Variants in ZBTB4 observed in about 807,000 individuals in gnomAD.
The protein encoded by ZBTB4 is zinc finger and BTB domain containing 4.
A neutral mutation model predicts 59.8 loss-of-function variants in ZBTB4; 14 were observed. That is an observed-to-expected ratio of 0.23 (90% confidence interval 0.15 to 0.37). The LOEUF (loss-of-function observed/expected upper bound fraction) is 0.37, where lower values mean the gene tolerates loss of function less well. ZBTB4 is among the 10% of genes least tolerant of loss of function. ZBTB4 has a pLI of 1.00. For synonymous variants in ZBTB4, 587 were observed against 575.2 expected (o/e 1.02, Z -0.29); for missense variants, 1,198 against 1,380.8 (o/e 0.87, Z 2.10).
At chr17:7,480,396 A>G (rs1017286704), upstream of ZBTB4, among the ~76,000 whole-genome samples, 1 of 152,218 alleles carries the variant, frequency 6.6e-6, no homozygotes, top group African/African-American at 2.4e-5. Flanking sequence ...AAGGAGATGG[A>G]GGAGCCAGGG....
chr17:7,481,985 C>T (rs762576433), upstream of ZBTB4: 2 of 1,583,846 alleles, frequency 1.3e-6, no homozygotes, highest in East Asian at 2.2e-5. Context: ...TTCTCCCTAA[C>T]AGGCTGGCAG....
chr17:7,481,435 A>C (rs915070550), upstream of ZBTB4: 2 of 1,384,116 alleles, frequency 1.4e-6, no homozygotes, highest in Admixed American at 3.4e-5. Context: ...CCCCACCCCC[A>C]CTCCAACCAT....
chr17:7,468,442 C>CAGAGAA (rs1462444297), intron 1 of ZBTB4, among the ~76,000 whole-genome samples: 6 of 152,182 alleles, frequency 3.9e-5, no homozygotes, highest in Non-Finnish European at 7.3e-5. Context: ...CAGTCAGCAG[C>CAGAGAA]AGAGAAAGCA....
intron 1 of ZBTB4, among the ~76,000 whole-genome samples, chr17:7,468,979 T>C (rs940338079): frequency 6.6e-6 from 1 of 152,130 alleles, no homozygotes; most frequent in African/African-American, 2.4e-5. Context: ...GAATTTCAGG[T>C]AGGTCGTAGG....
upstream of ZBTB4, chr17:7,482,601 G>A: frequency 6.2e-7 from 1 of 1,612,146 alleles, no homozygotes; most frequent in Non-Finnish European, 8.5e-7. Context: ...CTGTCCCTGG[G>A]GCTTCTGGTC....
At chr17:7,481,621 A>G (rs1450664761), upstream of ZBTB4, 1 of 814,528 alleles carries the variant, frequency 1.2e-6, no homozygotes, top group Non-Finnish European at 1.8e-6. Context: ...GATACCCACA[A>G]ATAGAATTCA....
chr17:7,480,588 C>A (rs916058872), upstream of ZBTB4, among the ~76,000 whole-genome samples: 1 of 152,012 alleles, frequency 6.6e-6, no homozygotes, highest in African/African-American at 2.4e-5. Flanking sequence ...GGCGTGGTGG[C>A]GGGCGCCTGT....
rs1170117192 is a variant in ZBTB4 at position 7,467,302 on chromosome 17, A to C, written c.-55T>G. 1 of 960,040 alleles carries C rather than the reference A, an allele frequency of 1.0e-6. No individual in the cohort carries two copies. The highest frequency in any genetic ancestry group is 1.8e-5 in the African/African-American group (1 of 56,708). 59.5% of individuals were successfully genotyped at this position (960,040 alleles called of 1,614,324 possible). On this transcript the variant is annotated 5_prime_UTR_variant, in exon 2 of 4. Coordinates refer to ENST00000380599, the MANE Select transcript of ZBTB4 (RefSeq NM_001128833.2). ...GAGTGGGGCGGGGGGTGGCTCAGCGAGTCCCTTCTGCTGGGCCTCTTCCTT... is the reference window on the plus strand; with the variant it reads ...GAGTGGGGCGGGGGGTGGCTCAGCGCGTCCCTTCTGCTGGGCCTCTTCCTT...
At chr17:7,467,770 T>C (rs982013964) in intron 1 of ZBTB4, among the ~76,000 whole-genome samples, 1 of 152,178 alleles carries the variant, frequency 6.6e-6, no homozygotes, top group African/African-American at 2.4e-5. Context: ...TCAAAATAAT[T>C]TGTGAGTTTT....
At chr17:7,469,428 A>C (rs1165822308) in intron 1 of ZBTB4, among the ~76,000 whole-genome samples, 2 of 150,864 alleles carry the variant, frequency 1.3e-5, no homozygotes, top group African/African-American at 4.9e-5. Flanking sequence ...GGCCTCCCAA[A>C]GTGCTGGGAT....
intron 1 of ZBTB4, among the ~76,000 whole-genome samples, chr17:7,472,920 A>T (rs895741046): frequency 6.6e-6 from 1 of 150,936 alleles, no homozygotes; most frequent in Non-Finnish European, 1.5e-5. Flanking sequence ...CTGGGATGAC[A>T]TGCATGAGCC....
upstream of ZBTB4, chr17:7,483,136 T>C (rs1343892803): frequency 1.2e-5 from 18 of 1,465,868 alleles, no homozygotes; most frequent in African/African-American, 1.8e-4. Context: ...CAAGGGTGAC[T>C]TGGGGACTTG....
Position 7,463,582 on chromosome 17 carries a change from G to A in ZBTB4, c.1400C>T (p.Pro467Leu). Residue 467 changes from proline to leucine, a missense_variant, in exon 4 of 4, where the codon CCT becomes CTT. Around this residue, in one of 9 missense-constraint regions of ZBTB4, gnomAD observed 550 missense variants for 541.8 expected, o/e 1.02. Transcript: ENST00000380599. ...GGCAAAAGTGATGACAGAGGGTGGA[G>A]GGCCAGGCTCTGGGGCAGGTGGAGG... ...PGPPPAPEPG[P>L]PPSVITFAHP... 6.3e-7 allele frequency: 1 copy of A among 1,596,300 alleles called. No individual in the cohort carries two copies. Among genetic ancestry groups the A allele is most frequent in the East Asian group, 2.2e-5 (1 of 44,774 alleles).
upstream of ZBTB4, chr17:7,482,828 G>A (rs1309605276): frequency 6.2e-7 from 1 of 1,612,060 alleles, no homozygotes; most frequent in Non-Finnish European, 8.5e-7. Context: ...CCCTGCCCTG[G>A]TGTGCGCTGT....
Position 7,466,625 on chromosome 17 carries a change from C to G in ZBTB4, c.177G>C (p.Leu59=). ...GAAGGGGTAGTGGGGCTGAAGTGAG[C>G]AGGGCCTCTCTGAAGAAGGGACTTG... is the stretch of plus-strand genomic sequence containing the variant. ...AASSPFFREA[L]LTSAPLPLPP... is the part of the protein sequence containing the mutation. Residue 59 remains leucine, a synonymous_variant, in exon 3 of 4, where the codon CTG becomes CTC. Coordinates refer to ENST00000380599, the MANE Select transcript of ZBTB4 (RefSeq NM_001128833.2). This position sits in a 1 kb window ranked among gnomAD's most constrained non-coding sequence, Gnocchi z 9.1. 1 of 1,613,852 alleles carries G rather than the reference C, an allele frequency of 6.2e-7. No homozygotes were observed. The highest frequency in any genetic ancestry group is 8.5e-7 in the Non-Finnish European group (1 of 1,179,960).
intron 1 of ZBTB4, among the ~76,000 whole-genome samples, chr17:7,467,694 C>T (rs1597772053): frequency 1.3e-5 from 2 of 152,238 alleles, no homozygotes; most frequent in Non-Finnish European, 2.9e-5. Context: ...TTGGCCCAAT[C>T]TCCAGGGCTC....
chr17:7,478,247 C>A (rs1567692171), intron 1 of ZBTB4, among the ~76,000 whole-genome samples: 1 of 152,136 alleles, frequency 6.6e-6, no homozygotes, highest in Non-Finnish European at 1.5e-5. Context: ...AAACACACAA[C>A]CTTCCCCTCG....
chr17:7,483,004 T>C (rs367984355), upstream of ZBTB4: 3 of 1,611,552 alleles, frequency 1.9e-6, no homozygotes, highest in Middle Eastern at 2.3e-4. Context: ...AGGAGTGAGA[T>C]AGAACTTGGG....
chr17:7,479,186 C>T (rs2070310357), intron 1 of ZBTB4, among the ~76,000 whole-genome samples: 1 of 152,230 alleles, frequency 6.6e-6, no homozygotes, highest in Admixed American at 6.5e-5. Flanking sequence ...GTGAGCACCT[C>T]CCCTTCCACG....
Sources: gnomAD v4.1 joint callset for allele counts (sites outside exome capture counted in the v4.1 genomes callset) on GRCh38, gnomAD v4.1.1 for gene constraint, gnomAD v4.1.1 regional missense constraint, Gnocchi (gnomAD v3.1) non-coding constraint, MANE v1.5 for transcripts, NCBI Gene and HGNC (gene_info 2026-07-23, HGNC 2026-07-21) for gene names.